PLEKHG5: variants seen among roughly 807,000 people sequenced by gnomAD.
PLEKHG5 encodes the protein pleckstrin homology domain-containing family G member 5.
A neutral mutation model predicts 103.8 loss-of-function variants in PLEKHG5; 52 were observed. The observed-to-expected ratio is 0.50, with a 90% CI of 0.40 to 0.63. The LOEUF (loss-of-function observed/expected upper bound fraction) is 0.63, where lower values mean the gene tolerates loss of function less well. Ranked by LOEUF, PLEKHG5 falls within the 30% of genes least tolerant of loss-of-function variation. PLEKHG5 has a pLI of 0.00. For missense variants in PLEKHG5, 1,205 were observed against 1,347.6 expected (o/e 0.89, Z 1.66); for synonymous variants, 592 against 575.5 (o/e 1.03, Z -0.41).
intron 11 of PLEKHG5, 43 bp downstream of exon 11, chr1:6,471,715 T>C: frequency 6.3e-7 from 1 of 1,590,000 alleles, no homozygotes; most frequent in Non-Finnish European, 8.6e-7. Context: ...CCCGCCCTCC[T>C]TCCTGGTACC....
chr1:6,488,058 C>T (rs1480973979), intron 1 of PLEKHG5, among the ~76,000 whole-genome samples: 9 of 152,248 alleles, frequency 5.9e-5, no homozygotes, highest in Non-Finnish European at 1.3e-4. Flanking sequence ...TATCCATGAC[C>T]TTGGGCCTGC....
upstream of PLEKHG5, chr1:6,496,649 G>GATCACCCCACCCCTCCTCC: frequency 9.7e-7 from 1 of 1,034,588 alleles, no homozygotes; most frequent in Non-Finnish European, 1.4e-6. Flanking sequence ...AACCGGAGGA[G>GATCACCCCACCCCTCCTCC]GGGTGGGGTG....
Position 6,518,133 on chromosome 1 carries a change from C to T in PLEKHG5, c.-165+1312G>A, listed in dbSNP as rs576884993. Among the ~76,000 whole-genome samples, 10 of 151,676 alleles carry T rather than the reference C, an allele frequency of 6.6e-5. No individual in the cohort carries two copies. In the South Asian group the frequency reaches 1.0e-3, roughly 16 times the overall value. On this transcript the variant is annotated intron_variant, in intron 1 of 21. Coordinates refer to the PLEKHG5 transcript ENST00000377740. Reference sequence around the variant, plus strand: ...ATTTTTAGTAGAGACGGGGTTTCACCATGTTAGCCAGGATGGTCTTGATCT... The same window carrying T: ...ATTTTTAGTAGAGACGGGGTTTCACTATGTTAGCCAGGATGGTCTTGATCT...
rs1213359900 is a variant in PLEKHG5 at position 6,471,010 on chromosome 1, G to A, written c.1372C>T (p.Leu458Phe). ...YMRGLLRDND[L>F]FRAYITWAEK... ...CTCACCGTGATGTAGGCCCGGAAGA[G>A]GTCGTTGTCGCGCAGCAGGCCGCGC... is the stretch of plus-strand genomic sequence containing the variant. Residue 458 changes from leucine to phenylalanine, a missense_variant, in exon 13 of 21, where the codon CTC becomes TTC. By Grantham distance (22) the Leu-to-Phe change is conservative (BLOSUM62 0). Transcript: ENST00000377728. 6.2e-7 allele frequency: 1 copy of A among 1,605,386 alleles called. No homozygotes were observed. Among genetic ancestry groups the A allele is most frequent in the South Asian group, 1.1e-5 (1 of 89,836 alleles).
At chr1:6,500,207 T>C (rs1645279961), upstream of PLEKHG5, among the ~76,000 whole-genome samples, 1 of 152,146 alleles carries the variant, frequency 6.6e-6, no homozygotes, top group African/African-American at 2.4e-5. Flanking sequence ...CAGGCAGGAC[T>C]ACTACTGGGC....
At chr1:6,472,678 G>T in intron 9 of PLEKHG5, 56 bp from the exon 10 acceptor site, 5 of 1,329,020 alleles carry the variant, frequency 3.8e-6, no homozygotes, top group Non-Finnish European at 5.3e-6. Context: ...TAGGGTGGCC[G>T]GGGAGGATAA....
rs1413941600 is a variant in PLEKHG5 at position 6,473,479 on chromosome 1, C to T, written c.592-25G>A. The T allele has an allele frequency of 2.7e-6, 4 of 1,490,488 alleles. No homozygotes were observed. In the South Asian group the frequency reaches 3.9e-5, roughly 15 times the overall value. 92.3% of individuals were successfully genotyped at this position (1,490,488 alleles called of 1,614,324 possible). On this transcript the variant is annotated intron_variant, in intron 7 of 20. Transcript: ENST00000377728. ...CCTGGTCAGGGAAGGGTGGTCAGGG[C>T]CGGGACCCCCTGCCAGCCCCCATGG...
rs1644794659 is a variant in PLEKHG5 at position 6,477,526 on chromosome 1, C to T, written c.43+3G>A. 2 of 1,611,498 alleles carry T rather than the reference C, an allele frequency of 1.2e-6. No homozygotes were observed. Among genetic ancestry groups the T allele is most frequent in the East Asian group, 2.2e-5 (1 of 44,884 alleles). ...CCGAGCTGCGGCTCCCGCCTGTGCT[C>T]ACCTTGTGGGGGAAGGTCGAAGCGG... On this transcript the variant is annotated splice_donor_region_variant and intron_variant, in intron 2 of 20. Coordinates refer to ENST00000377728, the MANE Select transcript of PLEKHG5 (RefSeq NM_020631.6).
upstream of PLEKHG5, among the ~76,000 whole-genome samples, chr1:6,495,064 C>A (rs1460464436): frequency 6.6e-6 from 1 of 152,236 alleles, no homozygotes; most frequent in East Asian, 1.9e-4. Flanking sequence ...GAGCAGCTGC[C>A]CAGAGGAGGG....
rs140246821 is a variant in PLEKHG5 at position 6,473,529 on chromosome 1, G to T, written c.592-75C>A. ...GCCCCACCCCAGGGCGGGTTTCCAG[G>T]GCCTCAGGCCAGCCTGGGATGGAGG... is the stretch of plus-strand genomic sequence containing the variant. On this transcript the variant is annotated intron_variant, in intron 7 of 20. Transcript: ENST00000377728. 1,320 of 1,210,738 alleles carry T rather than the reference G, an allele frequency of 1.1e-3. 14 individuals carry two copies. The African/African-American group carries it at 0.018, about 17-fold the overall frequency. 75.0% of individuals were successfully genotyped at this position (1,210,738 alleles called of 1,614,324 possible). A position where few individuals can be genotyped will look rare whatever the true frequency, so the allele number is the denominator to read the frequency against.
chr1:6,500,690 C>G (rs1645287283), upstream of PLEKHG5, among the ~76,000 whole-genome samples: 2 of 150,984 alleles, frequency 1.3e-5, no homozygotes. Context: ...GAACCATGAA[C>G]TACCCCCCTT....
In PLEKHG5 at chr1:6,475,244, C is replaced by A. The variant is rs552113791; in HGVS notation, c.211-106G>T. On this transcript the variant is annotated intron_variant, in intron 4 of 20. Coordinates refer to ENST00000377728, the MANE Select transcript of PLEKHG5 (RefSeq NM_020631.6). ...CCCTCCTTCCCAACCCTCCTCCCCACCCTCCTTCCCACCCTCCTTCCCAAC... is the reference window on the plus strand; with the variant it reads ...CCCTCCTTCCCAACCCTCCTCCCCAACCTCCTTCCCACCCTCCTTCCCAAC... 198 of 704,898 alleles carry A rather than the reference C, an allele frequency of 2.8e-4. 3 individuals are homozygous for A. The South Asian group carries it at 2.9e-3, about 10-fold the overall frequency. 43.7% of individuals were successfully genotyped at this position (704,898 alleles called of 1,614,324 possible).
At chr1:6,509,956 G>T (rs1638430596) in intron 1 of PLEKHG5, among the ~76,000 whole-genome samples, 2 of 152,156 alleles carry the variant, frequency 1.3e-5, no homozygotes, top group African/African-American at 4.8e-5. Flanking sequence ...GGCCCACTGT[G>T]GCCTCTTGTG....
chr1:6,471,879 G>A, intron 10 of PLEKHG5, 71 bp from the exon 11 acceptor site: 1 of 1,441,040 alleles, frequency 6.9e-7, no homozygotes, highest in Non-Finnish European at 9.6e-7. Flanking sequence ...CCCAGCCTCA[G>A]GCTCCCCTGC....
At chr1:6,475,330 C>T (rs557222036) in intron 4 of PLEKHG5, 132 bp downstream of exon 4, 5 of 811,988 alleles carry the variant, frequency 6.2e-6, no homozygotes, top group African/African-American at 1.7e-5. Context: ...GAAAGGGAAC[C>T]CCAGCGATCT....
At position 6,477,440 on chromosome 1, in the gene PLEKHG5, CTTATGACGCCCTAGCACGTTTCCGACAG is replaced by C. The variant is rs2148597794; in HGVS notation, c.43+61_43+88del. ...TTTCATTATTTACAGTCGACTTGTC[CTTATGACGCCCTAGCACGTTTCCGACAG>C]TTACTGAAACACTGACACAGGAGCT... On this transcript the variant is annotated intron_variant, in intron 2 of 20. Transcript: ENST00000377728. 15 of 1,339,376 alleles carry C rather than the reference CTTATGACGCCCTAGCACGTTTCCGACAG, an allele frequency of 1.1e-5. No individual in the cohort carries two copies. In the South Asian group the frequency reaches 1.8e-4, roughly 16 times the overall value. 83.0% of individuals were successfully genotyped at this position (1,339,376 alleles called of 1,614,324 possible).
In PLEKHG5 at chr1:6,477,616, G is replaced by T; in HGVS notation, c.-45C>A. ...TCACAGGCCTCGCAGAGGTTGAGGG[G>T]CCCCCGGCGGTGCAGCTGCTGGCAG... On this transcript the variant is annotated 5_prime_UTR_variant, in exon 2 of 21. Coordinates refer to ENST00000377728, the MANE Select transcript of PLEKHG5 (RefSeq NM_020631.6). The T allele has an allele frequency of 6.2e-7, 1 of 1,609,948 alleles. No homozygotes were observed.
In PLEKHG5 at chr1:6,490,381, G is replaced by C. The variant is rs913860447; in HGVS notation, c.-88+1256C>G. 1.1e-6 allele frequency: 1 copy of C among 899,658 alleles called. No individual in the cohort carries two copies. Among genetic ancestry groups the C allele is most frequent in the African/African-American group, 1.8e-5 (1 of 55,070 alleles). 55.7% of individuals were successfully genotyped at this position (899,658 alleles called of 1,614,324 possible). ...ATCCGGGTTCTGTCCATCGGTTTAG[G>C]GGGGTCCTGGCGCCTAGTCCCACCC... is the stretch of plus-strand genomic sequence containing the variant. On this transcript the variant is annotated intron_variant, in intron 1 of 20. Coordinates refer to ENST00000377728, the MANE Select transcript of PLEKHG5 (RefSeq NM_020631.6). This position sits in a 1 kb window ranked among gnomAD's most constrained non-coding sequence, Gnocchi z 8.0.
upstream of PLEKHG5, chr1:6,497,160 G>T (rs1252363629): frequency 1.0e-5 from 10 of 963,628 alleles, no homozygotes; most frequent in Non-Finnish European, 1.6e-5. The surrounding 1 kb of genome is among the most constrained non-coding windows in gnomAD (Gnocchi z 6.1). Context: ...TGCTGCCGAG[G>T]CAGGCCCCGA....
Sources: allele counts gnomAD v4.1 joint callset (sites outside exome capture counted in the v4.1 genomes callset), GRCh38; gene constraint gnomAD v4.1.1; non-coding constraint Gnocchi (gnomAD v3.1); transcripts MANE v1.5; gene names NCBI Gene and HGNC (gene_info 2026-07-23, HGNC 2026-07-21).